TMTC2: variants seen among roughly 807,000 people sequenced by gnomAD.
TMTC2 encodes the protein protein O-mannosyl-transferase TMTC2.
In TMTC2, 43 loss-of-function variants were observed where a neutral mutation model predicts 82.4. The observed-to-expected ratio is 0.52, with a 90% CI of 0.41 to 0.67. The LOEUF (loss-of-function observed/expected upper bound fraction) is 0.67, where lower values mean the gene tolerates loss of function less well. Among genes scored for constraint, TMTC2 ranks in the 30% least tolerant of loss-of-function variants. The pLI is 0.00. For synonymous variants in TMTC2, 408 were observed against 381.9 expected (o/e 1.07, Z -0.80); for missense variants, 919 against 1,012.4 (o/e 0.91, Z 1.25).
At chr12:82,915,340 A>G (rs921906438) in intron 3 of TMTC2, among the ~76,000 whole-genome samples, 10 of 152,296 alleles carry the variant, frequency 6.6e-5, no homozygotes, top group East Asian at 1.9e-4. Context: ...GGTTTGTCCC[A>G]CATTACATAT....
rs577901042 is a variant in TMTC2, at chr12:82,999,223, T to A, written c.2070+13177T>A. Among the ~76,000 whole-genome samples the A allele has an allele frequency of 2.0e-5, 3 of 152,312 alleles. No homozygotes were observed. In the South Asian group the frequency reaches 6.2e-4, roughly 32 times the overall value. On this transcript the variant is annotated intron_variant, in intron 8 of 11. Coordinates refer to ENST00000321196, the MANE Select transcript of TMTC2 (RefSeq NM_152588.3). ...TTTATTATGATGACCTTGACAATTT[T>A]GAGGAGTAAAGGTCATATATTTTGT... is the stretch of plus-strand genomic sequence containing the variant.
intron 6 of TMTC2, 79 bp from the exon 7 acceptor site, chr12:82,966,840 G>T (rs1878233870): frequency 3.8e-6 from 4 of 1,059,554 alleles, no homozygotes; most frequent in Non-Finnish European, 5.5e-6. Flanking sequence ...AACTTTGGAA[G>T]AAAGTTATTA....
intron 7 of TMTC2, 114 bp downstream of exon 7, chr12:82,967,111 A>C: frequency 1.3e-6 from 1 of 757,532 alleles, no homozygotes; most frequent in Non-Finnish European, 2.1e-6. Context: ...TCACAAAAGA[A>C]ACGTTCACAA....
intron 11 of TMTC2, among the ~76,000 whole-genome samples, chr12:83,102,321 G>C (rs567147176): frequency 6.6e-6 from 1 of 152,324 alleles, no homozygotes; most frequent in East Asian, 1.9e-4. Context: ...AGTAGTGCCT[G>C]TGCTCAAATA....
intron 1 of TMTC2, among the ~76,000 whole-genome samples, chr12:82,855,101 A>T (rs968513092): frequency 6.6e-6 from 1 of 152,234 alleles, no homozygotes; most frequent in Non-Finnish European, 1.5e-5. Context: ...AATGATTTCA[A>T]GGTAAAACTA....
chr12:82,949,972 T>C (rs748523946), intron 4 of TMTC2, among the ~76,000 whole-genome samples: 3 of 152,202 alleles, frequency 2.0e-5, no homozygotes, highest in African/African-American at 4.8e-5. Context: ...TCAAGATGCT[T>C]ACATGTTGGG....
chr12:82,965,706 A>G lies in TMTC2; in HGVS notation c.1831A>G (p.Asn611Asp). The change falls in exon 6 of 12, where the codon AAC becomes GAC. Residue 611 changes from asparagine to aspartate, a missense_variant. Asn to Asp is a conservative substitution (Grantham distance 23). Transcript: ENST00000321196. ...HKSSVTSCLYNLGKLYHEQGH... is the reference protein window; with the variant it reads ...HKSSVTSCLYDLGKLYHEQGH... ...GAGCTCTGTTACCAGTTGTTTGTAC[A>G]ACCTAGGAAAGCTGTATCATGAGCA... is the stretch of plus-strand genomic sequence containing the variant. 1 of 1,613,816 alleles carries G rather than the reference A, an allele frequency of 6.2e-7. No individual in the cohort carries two copies.
chr12:82,845,804 A>G (rs1870628443), intron 1 of TMTC2, among the ~76,000 whole-genome samples: 1 of 152,110 alleles, frequency 6.6e-6, no homozygotes, highest in Non-Finnish European at 1.5e-5. Flanking sequence ...ATGTTGTATT[A>G]GTTTTTGCTT....
chr12:82,813,216 G>A (rs965344873), intron 1 of TMTC2, among the ~76,000 whole-genome samples: 39 of 151,990 alleles, frequency 2.6e-4, no homozygotes, highest in Admixed American at 2.6e-3. Context: ...GAATGCTTAT[G>A]TTTATTTGGA....
intron 3 of TMTC2, among the ~76,000 whole-genome samples, chr12:82,917,817 T>G (rs1875099417): frequency 6.6e-6 from 1 of 152,140 alleles, no homozygotes; most frequent in Non-Finnish European, 1.5e-5. Context: ...TTAGCCAGGA[T>G]GGTCTTGATC....
intron 9 of TMTC2, among the ~76,000 whole-genome samples, chr12:83,045,750 C>CACACACACACACACACACACACACA (rs1882093033): frequency 7.1e-6 from 1 of 140,070 alleles, no homozygotes; most frequent in African/African-American, 2.5e-5. Context: ...CACACACACA[C>CACACACACACACACACACACACACA]ACCAGGAGTG....
At chr12:83,002,748 A>G (rs1014667280) in intron 8 of TMTC2, among the ~76,000 whole-genome samples, 1 of 148,756 alleles carries the variant, frequency 6.7e-6, no homozygotes, top group African/African-American at 2.5e-5. Context: ...TTTTTATTGC[A>G]CTGTGGTCTG....
intron 1 of TMTC2, among the ~76,000 whole-genome samples, chr12:82,723,698 T>C (rs1240148287): frequency 1.3e-5 from 2 of 152,166 alleles, no homozygotes; most frequent in Non-Finnish European, 2.9e-5. Flanking sequence ...ATATTTCAGA[T>C]TTTGGAGCAT....
At chr12:82,902,742 A>G (rs1874086304) in intron 3 of TMTC2, among the ~76,000 whole-genome samples, 1 of 152,174 alleles carries the variant, frequency 6.6e-6, no homozygotes, top group South Asian at 2.1e-4. Flanking sequence ...CAAGGGTTCA[A>G]AAACTATTTA....
chr12:82,724,709 G>T (rs1225158510), intron 1 of TMTC2, among the ~76,000 whole-genome samples: 1 of 152,084 alleles, frequency 6.6e-6, no homozygotes, highest in African/African-American at 2.4e-5. Context: ...CAGTTGTCAG[G>T]TTTATTTTCC....
intron 8 of TMTC2, among the ~76,000 whole-genome samples, chr12:83,005,199 G>C (rs1592687868): frequency 1.7e-5 from 1 of 58,592 alleles, no homozygotes; most frequent in South Asian, 1.1e-3. Context: ...GCTAGACTTT[G>C]TCTTATTAAA....
At chr12:82,765,346 C>T (rs1876891496) in intron 1 of TMTC2, among the ~76,000 whole-genome samples, 1 of 152,120 alleles carries the variant, frequency 6.6e-6, no homozygotes, top group Non-Finnish European at 1.5e-5. Flanking sequence ...CAATTTCTCT[C>T]CTTCCCCCAA....
chr12:82,854,991 A>G (rs1169751158), intron 1 of TMTC2, among the ~76,000 whole-genome samples: 1 of 152,208 alleles, frequency 6.6e-6, no homozygotes, highest in Non-Finnish European at 1.5e-5. Context: ...GGGCAGAGAG[A>G]TCATTTGCAC....
In TMTC2 at chr12:82,967,146, C is replaced by T. The variant is rs1238178376; in HGVS notation, c.1948+149C>T. On this transcript the variant is annotated intron_variant, in intron 7 of 11. Transcript: ENST00000321196. ...ATCTGGCATCATACTCAAATTCTGA[C>T]AGAGCATATTTATTCTGACATGACA... 9 of 633,430 alleles carry T rather than the reference C, an allele frequency of 1.4e-5. No homozygotes were observed. In the Admixed American group the frequency reaches 3.0e-4, roughly 21 times the overall value. 39.2% of individuals were successfully genotyped at this position (633,430 alleles called of 1,614,324 possible). A position where few individuals can be genotyped will look rare whatever the true frequency, so the allele number is the denominator to read the frequency against.
Sources: allele counts gnomAD v4.1 joint callset (sites outside exome capture counted in the v4.1 genomes callset), GRCh38; gene constraint gnomAD v4.1.1; transcripts MANE v1.5; gene names NCBI Gene and HGNC (gene_info 2026-07-23, HGNC 2026-07-21).